Variants in TSHZ1 observed in about 807,000 individuals in gnomAD.
TSHZ1 encodes the protein teashirt homolog 1.
A neutral mutation model predicts 67.1 loss-of-function variants in TSHZ1; 12 were observed. The observed-to-expected ratio is 0.18, with a 90% CI of 0.11 to 0.29. The LOEUF (loss-of-function observed/expected upper bound fraction) is 0.29. TSHZ1 is among the 10% of genes least tolerant of loss of function. The pLI, the probability that TSHZ1 is intolerant of heterozygous loss-of-function variation, is 1.00. For synonymous variants in TSHZ1, 632 were observed against 622.4 expected, an observed-to-expected ratio of 1.02 and a Z score of -0.23; for missense variants, 1,305 against 1,413.9, an observed-to-expected ratio of 0.92 and a Z score of 1.23.
At chr18:75,241,809 C>A (rs2023160302) in intron 1 of TSHZ1, among the ~76,000 whole-genome samples, 3 of 151,718 alleles carry the variant, frequency 2.0e-5, no homozygotes, top group Non-Finnish European at 1.5e-5. Context: ...TTCCTCCCCT[C>A]TTCCAGCTCC....
chr18:75,225,410 C>T (rs372158049), intron 1 of TSHZ1, among the ~76,000 whole-genome samples: 7 of 152,230 alleles, frequency 4.6e-5, no homozygotes, highest in Non-Finnish European at 7.3e-5. Context: ...GAGATGTGAT[C>T]GCTTCTGTCC....
At chr18:75,261,239 T>A (rs1285784276) in intron 1 of TSHZ1, among the ~76,000 whole-genome samples, 1 of 152,112 alleles carries the variant, frequency 6.6e-6, no homozygotes, top group African/African-American at 2.4e-5. Context: ...GAGAACTGTA[T>A]CTCTTAAGAG....
intron 1 of TSHZ1, among the ~76,000 whole-genome samples, chr18:75,220,362 A>G (rs1159294582): frequency 6.6e-6 from 1 of 152,234 alleles, no homozygotes; most frequent in Non-Finnish European, 1.5e-5. Flanking sequence ...AAATTTATGT[A>G]CTTAGAAAAA....
intron 1 of TSHZ1, among the ~76,000 whole-genome samples, chr18:75,259,028 C>G (rs1023665701): frequency 6.6e-6 from 1 of 152,204 alleles, no homozygotes; most frequent in Non-Finnish European, 1.5e-5. Context: ...CACTTTCCTC[C>G]TCCCCTCAAG....
At chr18:75,212,316 A>G (rs2022708736) in intron 1 of TSHZ1, among the ~76,000 whole-genome samples, 1 of 152,104 alleles carries the variant, frequency 6.6e-6, no homozygotes, top group African/African-American at 2.4e-5. Context: ...CTTGAAAACA[A>G]GGTCACCAGG....
chr18:75,246,784 A>C (rs931829437), intron 1 of TSHZ1, among the ~76,000 whole-genome samples: 7 of 152,118 alleles, frequency 4.6e-5, no homozygotes, highest in Non-Finnish European at 8.8e-5. Context: ...AGATGTGGCA[A>C]ATTTTCTCTC....
At chr18:75,222,861 A>C (rs1249864587) in intron 1 of TSHZ1, among the ~76,000 whole-genome samples, 1 of 152,182 alleles carries the variant, frequency 6.6e-6, no homozygotes, top group Non-Finnish European at 1.5e-5. Context: ...TTCTGGGAGT[A>C]ACTGGCTAAA....
chr18:75,227,856 C>T (rs1455883537), intron 1 of TSHZ1, among the ~76,000 whole-genome samples: 4 of 152,196 alleles, frequency 2.6e-5, no homozygotes, highest in Non-Finnish European at 5.9e-5. Flanking sequence ...TTTATTTTTG[C>T]AGCCAGATGT....
At chr18:75,258,859 A>T (rs1246968877) in intron 1 of TSHZ1, among the ~76,000 whole-genome samples, 1 of 152,186 alleles carries the variant, frequency 6.6e-6, no homozygotes, top group Non-Finnish European at 1.5e-5. Flanking sequence ...GGCAGTGGTG[A>T]TGTTATTGCC....
At chr18:75,229,949 C>G (rs534660020) in intron 1 of TSHZ1, among the ~76,000 whole-genome samples, 1 of 152,306 alleles carries the variant, frequency 6.6e-6, no homozygotes, top group Non-Finnish European at 1.5e-5. Flanking sequence ...CATTATACAT[C>G]TACTTGTGGA....
intron 1 of TSHZ1, among the ~76,000 whole-genome samples, chr18:75,232,015 T>G (rs2023005791): frequency 6.6e-6 from 1 of 152,108 alleles, no homozygotes; most frequent in South Asian, 2.1e-4. Flanking sequence ...TAGCTAGGAT[T>G]ACAAGCGATT....
rs551338502 is a variant in TSHZ1 at position 75,250,268 on chromosome 18, C to G, written c.41-35180C>G. 3.0e-3 allele frequency among the ~76,000 whole-genome samples: 454 copies of G among 152,266 alleles called. 4 individuals carry two copies. Among genetic ancestry groups the G allele is most frequent in the African/African-American group, 0.01 (423 of 41,556 alleles). ...GGCCCTGCCAGGCTCTTCCCTGTCC[C>G]CAGTCGCAAGGGTACTCTCCCAGCC... On this transcript the variant is annotated intron_variant, in intron 1 of 1. Transcript: ENST00000580243.
At chr18:75,239,249 T>G (rs1310943535) in intron 1 of TSHZ1, among the ~76,000 whole-genome samples, 1 of 152,258 alleles carries the variant, frequency 6.6e-6, no homozygotes, top group African/African-American at 2.4e-5. Context: ...CCAACTATGA[T>G]AATTGTCCTT....
chr18:75,240,348 G>GA (rs1020712648), intron 1 of TSHZ1, among the ~76,000 whole-genome samples: 1 of 148,586 alleles, frequency 6.7e-6, no homozygotes, highest in Non-Finnish European at 1.5e-5. Context: ...AGCTTTTAAA[G>GA]AAAAAAAGGC....
chr18:75,259,979 T>A (rs1406127698), intron 1 of TSHZ1, among the ~76,000 whole-genome samples: 1 of 152,250 alleles, frequency 6.6e-6, no homozygotes, highest in Non-Finnish European at 1.5e-5. Flanking sequence ...GTGTGTGTGA[T>A]GTCCCAGCTC....
intron 1 of TSHZ1, among the ~76,000 whole-genome samples, chr18:75,212,755 A>C (rs75116988): frequency 6.6e-6 from 1 of 152,154 alleles, no homozygotes; most frequent in African/African-American, 2.4e-5. Context: ...GAAGTTTTAC[A>C]GCTGCAGCAT....
chr18:75,274,726 C>G (rs2023596705), intron 1 of TSHZ1, among the ~76,000 whole-genome samples: 1 of 151,994 alleles, frequency 6.6e-6, no homozygotes, highest in African/African-American at 2.4e-5. Context: ...TCTCTCTCTG[C>G]CAAAGTAATT....
chr18:75,262,186 T>C (rs2023438347), intron 1 of TSHZ1, among the ~76,000 whole-genome samples: 1 of 152,132 alleles, frequency 6.6e-6, no homozygotes, highest in Non-Finnish European at 1.5e-5. Flanking sequence ...TCAGAAAGCA[T>C]TTATTTTGCT....
intron 1 of TSHZ1, among the ~76,000 whole-genome samples, chr18:75,234,973 A>T (rs1293920063): frequency 6.6e-6 from 1 of 152,146 alleles, no homozygotes; most frequent in Non-Finnish European, 1.5e-5. Context: ...ACTGCTTTTG[A>T]TGAGTAATAA....
Sources: gnomAD v4.1 joint callset for allele counts (sites outside exome capture counted in the v4.1 genomes callset) on GRCh38, gnomAD v4.1.1 for gene constraint, MANE v1.5 for transcripts, NCBI Gene and HGNC (gene_info 2026-07-23, HGNC 2026-07-21) for gene names.